The following MUC6 variants were observed in gnomAD, a reference collection of about 807,000 sequenced individuals.
The protein encoded by MUC6 is mucin-6.
A neutral mutation model predicts 201.5 loss-of-function variants in MUC6; 188 were observed. That is an observed-to-expected ratio of 0.93 (90% CI 0.83 to 1.05). The LOEUF is 1.05. Ranked by LOEUF, MUC6 falls within the 50% of genes least tolerant of loss-of-function variation. The pLI is 0.00. For missense variants in MUC6, 2,706 were observed against 3,256.9 expected (o/e 0.83, Z 4.12); for synonymous variants, 1,228 against 1,389.4 (o/e 0.88, Z 2.58).
chr11:1,021,291 C>T lies in MUC6; in HGVS notation c.3527-14G>A, dbSNP rs746124580. 31 of 1,528,900 alleles carry T rather than the reference C, an allele frequency of 2.0e-5. No homozygotes were observed. The highest frequency in any genetic ancestry group is 1.0e-4 in the South Asian group (8 of 78,272). The allele number at this position is 1,528,900 out of a possible 1,614,324, so 94.7% of individuals were successfully genotyped here. A position where few individuals can be genotyped will look rare whatever the true frequency, so the allele number is the denominator to read the frequency against. On this transcript the variant is annotated splice_polypyrimidine_tract_variant and intron_variant, in intron 26 of 32. Transcript: ENST00000421673. ...AGTTGTAGCAGCCTAGGGTGGAGAACGGCCAGGGTCTGTGTGACTGGTGGC... is the reference window on the plus strand; with the variant it reads ...AGTTGTAGCAGCCTAGGGTGGAGAATGGCCAGGGTCTGTGTGACTGGTGGC...
intron 24 of MUC6, 132 bp from the exon 25 acceptor site, chr11:1,024,235 A>G: frequency 9.3e-7 from 1 of 1,077,012 alleles, no homozygotes; most frequent in Non-Finnish European, 1.3e-6. Context: ...GGTGAGCGGC[A>G]CCACGTGGAC....
chr11:1,018,411 T>C lies in MUC6; in HGVS notation c.4390A>G (p.Thr1464Ala). Residue 1464 changes from threonine to alanine, a missense_variant, in exon 31 of 33, where the codon ACC (threonine) becomes GCC (alanine). Thr to Ala is a moderately conservative substitution (Grantham distance 58). Transcript: ENST00000421673. The part of the protein sequence containing the change: ...LVTPSTHTVI[T>A]PTHAQMATSA... ...GTGGCCATCTGTGCGTGGGTAGGGG[T>C]GATGACTGTGTGAGTACTTGGAGTC... 6.2e-7 allele frequency: 1 copy of C among 1,614,072 alleles called. No homozygotes were observed. The highest frequency in any genetic ancestry group is 8.5e-7 in the Non-Finnish European group (1 of 1,179,870).
intron 22 of MUC6, 146 bp from the exon 23 acceptor site, chr11:1,025,513 G>C: frequency 1.0e-6 from 1 of 1,000,038 alleles, no homozygotes; most frequent in South Asian, 1.6e-5. Flanking sequence ...GCTTGGGGCA[G>C]AAGGGCCTGG....
Position 1,025,031 on chromosome 11 carries a change from A to G in MUC6, c.3038T>C (p.Phe1013Ser), listed in dbSNP as rs1240609257. The G allele has an allele frequency of 6.2e-7, 1 of 1,613,010 alleles. No individual in the cohort carries two copies. The highest frequency in any genetic ancestry group is 1.1e-5 in the South Asian group (1 of 91,074). Reference protein sequence around the residue: ...GNFNGNMKDDFETRSRYVASS... With the variant: ...GNFNGNMKDDSETRSRYVASS... The stretch of plus-strand genomic sequence containing the variant: ...TGCCACGTACCTGCTGCGCGTCTCG[A>G]AGTCGTCCTTCATGTTCCCGTTGAA... The change falls in exon 24 of 33, where the codon TTC becomes TCC. Residue 1013 changes from phenylalanine (F) to serine (S), a missense_variant. Around this residue, in one of 10 missense-constraint regions of MUC6, gnomAD observed 1,850 missense variants for 1,958.3 expected, o/e 0.94. Transcript: ENST00000421673.
chr11:1,028,792 C>A lies in MUC6; in HGVS notation c.1454-9G>T. On this transcript the variant is annotated splice_polypyrimidine_tract_variant and intron_variant, in intron 12 of 32. Coordinates refer to ENST00000421673, the MANE Select transcript of MUC6 (RefSeq NM_005961.3). ...GAAGACCGTGATGTTGCCTGCAGGA[C>A]GCAGTGCTCAGTGGGCCGTCTGGGC... 10 of 1,609,958 alleles carry A rather than the reference C, an allele frequency of 6.2e-6. No homozygotes were observed. Among genetic ancestry groups the A allele is most frequent in the Non-Finnish European group, 7.6e-6 (9 of 1,179,680 alleles).
chr11:1,016,335 A>T lies in MUC6; in HGVS notation c.6466T>A (p.Ser2156Thr), dbSNP rs1455348439. The T allele has an allele frequency of 1.2e-6, 2 of 1,611,520 alleles. No homozygotes were observed. Among genetic ancestry groups the T allele is most frequent in the African/African-American group, 1.3e-5 (1 of 74,978 alleles). The change falls in exon 31 of 33, where the codon TCG (serine) becomes ACG (threonine). Residue 2156 changes from serine (S) to threonine (T), a missense_variant. Around this residue, in one of 10 missense-constraint regions of MUC6, gnomAD observed 586 missense variants for 488.0 expected, o/e 1.20. Coordinates refer to ENST00000421673, the MANE Select transcript of MUC6 (RefSeq NM_005961.3). The part of the protein sequence containing the change: ...PSSHSSPQTS[S>T]PSVGTSSSFV... ...GAGGAAGATGTGCCAACAGAAGGCGATGAAGTCTGGGGAGAGGAGTGGGAG... is the reference window on the plus strand; with the variant it reads ...GAGGAAGATGTGCCAACAGAAGGCGTTGAAGTCTGGGGAGAGGAGTGGGAG...
At chr11:1,036,368 G>A (rs1330763748) in intron 1 of MUC6, among the ~76,000 whole-genome samples, 1 of 152,120 alleles carries the variant, frequency 6.6e-6, no homozygotes, top group Non-Finnish European at 1.5e-5. Flanking sequence ...ACAGGAGGGC[G>A]TCCCTGCCCA....
intron 26 of MUC6, among the ~76,000 whole-genome samples, chr11:1,023,308 G>A (rs1005682183): frequency 1.3e-5 from 2 of 151,900 alleles, no homozygotes; most frequent in African/African-American, 2.4e-5. Flanking sequence ...ATGAATATGC[G>A]TGAATGAATG....
At chr11:1,035,781 C>T (rs949914270) in intron 1 of MUC6, among the ~76,000 whole-genome samples, 3 of 152,116 alleles carry the variant, frequency 2.0e-5, no homozygotes, top group South Asian at 2.1e-4. Flanking sequence ...CCAGGGGGCT[C>T]CCGGCTGTGG....
At chr11:1,014,910 A>G (rs1488930846) in intron 31 of MUC6, among the ~76,000 whole-genome samples, 1 of 152,074 alleles carries the variant, frequency 6.6e-6, no homozygotes, top group Non-Finnish European at 1.5e-5. Context: ...CCCTGGTTAC[A>G]CCTTGCACCC....
rs1364081173 is a variant in MUC6, at chr11:1,027,434, T to G, written c.2065A>C (p.Thr689Pro). 1.9e-6 allele frequency: 3 copies of G among 1,612,570 alleles called. No individual in the cohort carries two copies. In the East Asian group the frequency reaches 6.7e-5, roughly 36 times the overall value. ...RTCLSLSDRA[T>P]ECHHSAVPVD... is the part of the protein sequence containing the mutation. ...GGCACGGCGCTGTGGTGGCACTCGG[T>G]GGCACGGTCCGACAGCGACAGGCAG... is the stretch of plus-strand genomic sequence containing the variant. Residue 689 changes from threonine to proline, a missense_variant, in exon 17 of 33, where the codon ACC becomes CCC. Thr to Pro is a conservative substitution (Grantham distance 38, BLOSUM62 -1). Around this residue, in one of 10 missense-constraint regions of MUC6, gnomAD observed 1,850 missense variants for 1,958.3 expected, o/e 0.94. Coordinates refer to ENST00000421673, the MANE Select transcript of MUC6 (RefSeq NM_005961.3).
Position 1,013,369 on chromosome 11 carries a change from C to T in MUC6, c.*87G>A, listed in dbSNP as rs1451113479. ...GGCCTGGTGACCAGGAAAGCAGCTG[C>T]TGGCACAAGCGGGAAGGGGGCTGGT... On this transcript the variant is annotated 3_prime_UTR_variant, in exon 33 of 33. Coordinates refer to ENST00000421673, the MANE Select transcript of MUC6 (RefSeq NM_005961.3). 3.6e-6 allele frequency: 5 copies of T among 1,380,556 alleles called. No individual in the cohort carries two copies. The Admixed American group carries it at 1.2e-4, about 34-fold the overall frequency. 85.5% of individuals were successfully genotyped at this position (1,380,556 alleles called of 1,614,324 possible). A position where few individuals can be genotyped will look rare whatever the true frequency, so the allele number is the denominator to read the frequency against.
At chr11:1,034,970 G>A (rs1181664020) in intron 1 of MUC6, among the ~76,000 whole-genome samples, 3 of 152,214 alleles carry the variant, frequency 2.0e-5, no homozygotes, top group South Asian at 2.1e-4. Flanking sequence ...GCTTCCCCTC[G>A]GCTGATCCCT....
rs545535610 is a variant in MUC6 at position 1,018,763 on chromosome 11, C to T, written c.4038G>A (p.Ser1346=). 3.1e-5 allele frequency: 49 copies of T among 1,558,388 alleles called. No homozygotes were observed. The highest frequency in any genetic ancestry group is 4.8e-5 in the South Asian group (4 of 83,076). ...TSGTSPTLPK[S]TNQELPGTTA... Reference sequence around the variant, plus strand: ...TTGTTCCTGGCAGTTCCTGATTGGTCGATTTTGCTGTGGGAATTGGTGAAG... The same window carrying T: ...TTGTTCCTGGCAGTTCCTGATTGGTTGATTTTGCTGTGGGAATTGGTGAAG... The change falls in exon 31 of 33, where the codon TCG becomes TCA. Residue 1346 remains serine, a synonymous_variant. Coordinates refer to ENST00000421673, the MANE Select transcript of MUC6 (RefSeq NM_005961.3).
Position 1,016,230 on chromosome 11 carries a change from A to T in MUC6, c.6571T>A (p.Ser2191Thr). 6.2e-7 allele frequency: 1 copy of T among 1,613,340 alleles called. No individual in the cohort carries two copies. The highest frequency in any genetic ancestry group is 8.5e-7 in the Non-Finnish European group (1 of 1,179,748). Residue 2191 changes from serine (S) to threonine (T), a missense_variant, in exon 31 of 33, where the codon TCA (serine) becomes ACA (threonine). Ser to Thr is a moderately conservative substitution (Grantham distance 58). Around this residue, in one of 10 missense-constraint regions of MUC6, gnomAD observed 586 missense variants for 488.0 expected, o/e 1.20. Transcript: ENST00000421673. ...GGAAAAAGAGGAGATGCAGACACTGATGCAGTCGTGGGATGAGTGGACAAT... is the reference window on the plus strand; with the variant it reads ...GGAAAAAGAGGAGATGCAGACACTGTTGCAGTCGTGGGATGAGTGGACAAT... Reference protein sequence around the residue: ...SSLSTHPTTASVSASPLFPSS... With the variant: ...SSLSTHPTTATVSASPLFPSS...
In MUC6 at chr11:1,025,967, C is replaced by T. The variant is rs1204112276; in HGVS notation, c.2688+33G>A. Reference sequence around the variant, plus strand: ...GCCCTGGAGGCCGTGCCTCTGGGTCCCCGGCCCCTGCGGCCTGGCACCCGA... The same window carrying T: ...GCCCTGGAGGCCGTGCCTCTGGGTCTCCGGCCCCTGCGGCCTGGCACCCGA... On this transcript the variant is annotated intron_variant, in intron 21 of 32. Transcript: ENST00000421673. 1.9e-6 allele frequency: 3 copies of T among 1,591,024 alleles called. No individual in the cohort carries two copies. In the East Asian group the frequency reaches 6.9e-5, roughly 36 times the overall value.
At chr11:1,032,892 G>T in intron 2 of MUC6, 121 bp downstream of exon 2, 3 of 772,612 alleles carry the variant, frequency 3.9e-6, no homozygotes, top group Non-Finnish European at 6.1e-6. Context: ...TGTTCATGTT[G>T]GTGCATATAT....
chr11:1,028,447 A>G (rs1857019576), intron 13 of MUC6, 60 bp from the exon 14 acceptor site: 2 of 1,585,640 alleles, frequency 1.3e-6, no homozygotes, highest in Non-Finnish European at 1.7e-6. Flanking sequence ...ATTCCTGCCC[A>G]CACGCCCTGG....
intron 4 of MUC6, 68 bp downstream of exon 4, chr11:1,031,539 C>G (rs1857104554): frequency 6.6e-7 from 1 of 1,524,806 alleles, no homozygotes; most frequent in African/African-American, 1.4e-5. Context: ...GAGGGCAGCC[C>G]CTCCCAAGTC....
Sources: gnomAD v4.1 joint callset for allele counts (sites outside exome capture counted in the v4.1 genomes callset) on GRCh38, gnomAD v4.1.1 for gene constraint, gnomAD v4.1.1 regional missense constraint, MANE v1.5 for transcripts, NCBI Gene and HGNC (gene_info 2026-07-23, HGNC 2026-07-21) for gene names.